Variants in ADARB1 observed in about 807,000 individuals in gnomAD.
ADARB1 encodes adenosine deaminase RNA specific B1.
A neutral mutation model predicts 52.4 loss-of-function variants in ADARB1; 10 were observed. The ratio of observed to expected loss-of-function variants is 0.19; its 90% CI spans 0.12 to 0.32. The LOEUF is 0.32. ADARB1 is among the 10% of genes least tolerant of loss of function. The probability of loss-of-function intolerance (pLI) is 1.00; values close to 1 mark genes in which losing one functional copy is unlikely to be tolerated. For synonymous variants in ADARB1, 349 were observed against 371.1 expected, an observed-to-expected ratio of 0.94 and a Z score of 0.68; for missense variants, 643 against 922.3, an observed-to-expected ratio of 0.70 and a Z score of 3.92.
chr21:45,112,409 A>T (rs1258354158), intron 1 of ADARB1, among the ~76,000 whole-genome samples: 1 of 151,960 alleles, frequency 6.6e-6, no homozygotes, highest in Non-Finnish European at 1.5e-5. Flanking sequence ...CCCTTGGTGG[A>T]CTTCCCCTAT....
At chr21:45,138,582 C>T (rs2089521601) in intron 2 of ADARB1, among the ~76,000 whole-genome samples, 1 of 152,206 alleles carries the variant, frequency 6.6e-6, no homozygotes, top group Non-Finnish European at 1.5e-5. Flanking sequence ...AGCATATTTT[C>T]ACCTGTCTTT....
At chr21:45,135,660 C>T (rs2089317752) in intron 2 of ADARB1, among the ~76,000 whole-genome samples, 1 of 152,202 alleles carries the variant, frequency 6.6e-6, no homozygotes, top group African/African-American at 2.4e-5. Context: ...AGTGAGGCCT[C>T]AGAAGATGAA....
chr21:45,121,941 C>T (rs1380200163), intron 1 of ADARB1, among the ~76,000 whole-genome samples: 2 of 152,206 alleles, frequency 1.3e-5, no homozygotes, highest in East Asian at 3.8e-4. Flanking sequence ...ATTGTTGCTA[C>T]TAATTCTTAG....
chr21:45,172,873 A>T lies in ADARB1; in HGVS notation c.28+1189A>T, dbSNP rs2091544095. On this transcript the variant is annotated intron_variant, in intron 3 of 10. Coordinates refer to ENST00000348831, the MANE Select transcript of ADARB1 (RefSeq NM_001112.4). This position sits in a 1 kb window ranked among gnomAD's most constrained non-coding sequence, Gnocchi z 4.4. ...TATCCTCATCAATCCTGCTCTTGAG[A>T]TCTTTTAAAAACCCAGCTTCATGTT... 1.3e-5 allele frequency among the ~76,000 whole-genome samples: 2 copies of T among 152,048 alleles called. No individual in the cohort carries two copies. Among genetic ancestry groups the T allele is most frequent in the Non-Finnish European group, 2.9e-5 (2 of 68,010 alleles).
At chr21:45,105,627 C>T (rs930956851) in intron 1 of ADARB1, among the ~76,000 whole-genome samples, 7 of 152,210 alleles carry the variant, frequency 4.6e-5, no homozygotes, top group Non-Finnish European at 1.0e-4. Flanking sequence ...ATTTTGAACA[C>T]TAAAGCTAAA....
intron 1 of ADARB1, among the ~76,000 whole-genome samples, chr21:45,080,839 A>G (rs983974213): frequency 3.9e-5 from 6 of 152,192 alleles, no homozygotes; most frequent in African/African-American, 1.4e-4. Context: ...CCCTACCCCC[A>G]GAGGAAAGCA....
intron 1 of ADARB1, among the ~76,000 whole-genome samples, chr21:45,127,955 A>G (rs578132727): frequency 6.6e-6 from 1 of 152,346 alleles, no homozygotes; most frequent in Non-Finnish European, 1.5e-5. Flanking sequence ...TCAGAAGCAG[A>G]GGTGGCCTGT....
At chr21:45,141,284 A>G (rs1272942405) in intron 2 of ADARB1, among the ~76,000 whole-genome samples, 1 of 152,188 alleles carries the variant, frequency 6.6e-6, no homozygotes, top group Non-Finnish European at 1.5e-5. Context: ...CCAAATAGGT[A>G]ATAATTATGT....
At chr21:45,173,003 G>A (rs1366008823) in intron 3 of ADARB1, among the ~76,000 whole-genome samples, 1 of 152,182 alleles carries the variant, frequency 6.6e-6, no homozygotes, top group Non-Finnish European at 1.5e-5. Context: ...TGCTTGGCCC[G>A]TGCAGTAGCC....
chr21:45,223,861 A>G lies in ADARB1; in HGVS notation c.*1664A>G. The G allele has an allele frequency of 1.0e-6, 1 of 985,436 alleles. No homozygotes were observed. The highest frequency in any genetic ancestry group is 1.7e-5 in the African/African-American group (1 of 57,306). The allele number at this position is 985,436 out of a possible 1,614,324, so 61.0% of individuals were successfully genotyped here. A position where few individuals can be genotyped will look rare whatever the true frequency, so the allele number is the denominator to read the frequency against. ...AGCACGGCAGGAAGGGGTGCTGCTT[A>G]GGGCTCATTGTTGGGGACATGACCG... On this transcript the variant is annotated 3_prime_UTR_variant, in exon 11 of 11. Coordinates refer to ENST00000348831, the MANE Select transcript of ADARB1 (RefSeq NM_001112.4).
chr21:45,185,893 C>T (rs2092087834), intron 8 of ADARB1, among the ~76,000 whole-genome samples: 1 of 152,250 alleles, frequency 6.6e-6, no homozygotes, highest in Non-Finnish European at 1.5e-5. Context: ...GATGCATACG[C>T]ATGTGCACGT....
At position 45,074,676 on chromosome 21, in the gene ADARB1, A is replaced by C. The variant is rs924828786; in HGVS notation, c.-337A>C. The C allele has an allele frequency of 6.3e-5, 9 of 143,334 alleles. No homozygotes were observed. The highest frequency in any genetic ancestry group is 2.2e-4 in the African/African-American group (9 of 40,450). 8.9% of individuals were successfully genotyped at this position (143,334 alleles called of 1,614,324 possible). On this transcript the variant is annotated 5_prime_UTR_variant, in exon 1 of 11. Coordinates refer to ENST00000348831, the MANE Select transcript of ADARB1 (RefSeq NM_001112.4). ...CCGGGGCTCCGGGCCGCGCGAGGCC[A>C]CGGCCACGCCGCGCCGCTGCGCACA...
chr21:45,109,211 G>T (rs914596943), intron 1 of ADARB1, among the ~76,000 whole-genome samples: 1 of 148,802 alleles, frequency 6.7e-6, no homozygotes, highest in South Asian at 2.1e-4. Context: ...GTGTTTGCGC[G>T]CGTGTGTGCG....
intron 8 of ADARB1, among the ~76,000 whole-genome samples, chr21:45,199,465 C>T (rs2092501080): frequency 1.3e-5 from 2 of 152,338 alleles, no homozygotes; most frequent in South Asian, 2.1e-4. Context: ...CTGCAGCCAG[C>T]AGTCTGTGCT....
chr21:45,083,575 T>C (rs1397079297), intron 1 of ADARB1, among the ~76,000 whole-genome samples: 1 of 152,220 alleles, frequency 6.6e-6, no homozygotes, highest in Non-Finnish European at 1.5e-5. Flanking sequence ...ATAATACTTA[T>C]AACTACATCT....
At chr21:45,150,195 A>C (rs1202076247) in intron 2 of ADARB1, among the ~76,000 whole-genome samples, 1 of 152,214 alleles carries the variant, frequency 6.6e-6, no homozygotes, top group Admixed American at 6.5e-5. Flanking sequence ...AATCGCTTGA[A>C]TCCAGGAGGT....
intron 1 of ADARB1, among the ~76,000 whole-genome samples, chr21:45,116,275 C>G (rs1178816071): frequency 2.6e-5 from 4 of 152,268 alleles, no homozygotes; most frequent in African/African-American, 9.6e-5. Flanking sequence ...TGGGTAGGGC[C>G]TGCGCCTGTG....
chr21:45,210,054 C>T (rs2092737022), intron 9 of ADARB1, among the ~76,000 whole-genome samples: 1 of 152,226 alleles, frequency 6.6e-6, no homozygotes, highest in South Asian at 2.1e-4. Flanking sequence ...CACTTCCCTG[C>T]ACCACGGCCG....
Position 45,200,253 on chromosome 21 carries a change from T to C in ADARB1, c.1566-4302T>C, listed in dbSNP as rs1490179910. ...GGGGTGGGAGCCACAGCACTGCCAT[T>C]GGAGGTCACCAGGGTGTCCATCCCA... On this transcript the variant is annotated intron_variant, in intron 8 of 10. Transcript: ENST00000348831. The surrounding 1 kb of genome is among the most constrained non-coding windows in gnomAD (Gnocchi z 5.0). Among the ~76,000 whole-genome samples the C allele has an allele frequency of 6.6e-6, 1 of 152,146 alleles. No individual in the cohort carries two copies. Among genetic ancestry groups the C allele is most frequent in the Non-Finnish European group, 1.5e-5 (1 of 68,010 alleles).
Sources: allele counts gnomAD v4.1 joint callset (sites outside exome capture counted in the v4.1 genomes callset), GRCh38; gene constraint gnomAD v4.1.1; non-coding constraint Gnocchi (gnomAD v3.1); transcripts MANE v1.5; gene names NCBI Gene and HGNC (gene_info 2026-07-23, HGNC 2026-07-21).